Variants in ROS1 observed in about 807,000 individuals in gnomAD.
ROS1 encodes ROS proto-oncogene 1, receptor tyrosine kinase, also known as proto-oncogene tyrosine-protein kinase ROS.
A neutral mutation model predicts 273.5 loss-of-function variants in ROS1; 263 were observed. The observed-to-expected ratio is 0.96, with a 90% CI of 0.87 to 1.06. The LOEUF (loss-of-function observed/expected upper bound fraction) is 1.06, where lower values mean the gene tolerates loss of function less well. ROS1 is among the 50% of genes least tolerant of loss of function. ROS1 has a pLI of 0.00. For missense variants in ROS1, 2,833 were observed against 2,751.1 expected (o/e 1.03, Z -0.67); for synonymous variants, 1,008 against 954.1 (o/e 1.06, Z -1.04).
At chr6:117,321,495 A>G (rs1052764858) in intron 35 of ROS1, 101 bp from the exon 36 acceptor site, 2 of 950,240 alleles carry the variant, frequency 2.1e-6, no homozygotes, top group African/African-American at 1.6e-5. Flanking sequence ...ATGCAAGAAC[A>G]CTATCAGTAG....
At chr6:117,395,830 T>C (rs1773443102) in intron 9 of ROS1, among the ~76,000 whole-genome samples, 1 of 151,728 alleles carries the variant, frequency 6.6e-6, no homozygotes, top group South Asian at 2.1e-4. Flanking sequence ...TAATTATATA[T>C]AATCTAAAAT....
At position 117,288,755 on chromosome 6, in the gene ROS1, C is replaced by T. The variant is rs371313465; in HGVS notation, c.6763G>A (p.Val2255Ile). 22 of 1,613,612 alleles carry T rather than the reference C, an allele frequency of 1.4e-5. 1 individual carries two copies. The highest frequency in any genetic ancestry group is 1.8e-5 in the Non-Finnish European group (21 of 1,179,906). ...CGGTTCTTCGTTTCCATTAAAGCAA[C>T]TGGCATAATGTCATCTGAATTCAAA... Reference protein sequence around the residue: ...ICLNSDDIMPVALMETKNREG... With the variant: ...ICLNSDDIMPIALMETKNREG... The change falls in exon 44 of 44, where the codon GTT (valine) becomes ATT (isoleucine). Residue 2255 changes from valine to isoleucine, a missense_variant. By Grantham distance (29) the Val-to-Ile change is conservative. Coordinates refer to ENST00000368507, the MANE Select transcript of ROS1 (RefSeq NM_001378902.1).
At chr6:117,311,350 A>T (rs1367522441) in intron 39 of ROS1, among the ~76,000 whole-genome samples, 1 of 152,134 alleles carries the variant, frequency 6.6e-6, no homozygotes, top group Non-Finnish European at 1.5e-5. Flanking sequence ...AGTAGAGGCA[A>T]TATGGAATCT....
At position 117,316,516 on chromosome 6, in the gene ROS1, G is replaced by A. The variant is rs75649554; in HGVS notation, c.6117+627C>T. On this transcript the variant is annotated intron_variant, in intron 39 of 43. Transcript: ENST00000368507. The stretch of plus-strand genomic sequence containing the variant: ...CAGGTAGTCACCCCCAGTCCTGTCC[G>A]CCATTCCACAGTATTTCCAGGGTTC... 7.4e-3 allele frequency among the ~76,000 whole-genome samples: 1,126 copies of A among 152,066 alleles called. 12 individuals are homozygous for A. The highest frequency in any genetic ancestry group is 0.026 in the African/African-American group (1,065 of 41,472).
intron 7 of ROS1, among the ~76,000 whole-genome samples, chr6:117,402,275 G>A (rs1420136842): frequency 6.6e-6 from 1 of 152,198 alleles, no homozygotes; most frequent in Non-Finnish European, 1.5e-5. Context: ...TCAGGCCACA[G>A]ATGTTCTTGC....
At position 117,397,029 on chromosome 6, in the gene ROS1, C is replaced by G; in HGVS notation, c.692G>C (p.Gly231Ala). Residue 231 changes from glycine (G) to alanine (A), a missense_variant, in exon 8 of 44, where the codon GGT becomes GCT. Transcript: ENST00000368507. ...TAAGTTATAACCCAAAATAGGTCCA[C>G]CTGGGAATTGAGGTGGATCCCAGCT... ...EVSWDPPQFP[G>A]GPILGYNLRL... is the part of the protein sequence containing the mutation. 1.2e-6 allele frequency: 2 copies of G among 1,613,642 alleles called. No individual in the cohort carries two copies. The highest frequency in any genetic ancestry group is 1.7e-6 in the Non-Finnish European group (2 of 1,179,610).
intron 25 of ROS1, 30 bp downstream of exon 25, chr6:117,357,774 C>A (rs1304781631): frequency 7.1e-7 from 1 of 1,398,674 alleles, no homozygotes. Context: ...TATTTCATCA[C>A]AATATAAAAA....
At chr6:117,397,935 C>G (rs1773628466) in intron 7 of ROS1, among the ~76,000 whole-genome samples, 1 of 152,146 alleles carries the variant, frequency 6.6e-6, no homozygotes, top group African/African-American at 2.4e-5. Context: ...GAGTAGATTT[C>G]TCTCCCTCTG....
chr6:117,415,505 A>G (rs1309550274), intron 3 of ROS1, among the ~76,000 whole-genome samples: 1 of 152,198 alleles, frequency 6.6e-6, no homozygotes, highest in African/African-American at 2.4e-5. Context: ...TTAAAAGGCA[A>G]AATTCTTAAT....
intron 43 of ROS1, among the ~76,000 whole-genome samples, chr6:117,289,378 T>G (rs1773663064): frequency 6.6e-6 from 1 of 152,248 alleles, no homozygotes; most frequent in African/African-American, 2.4e-5. Context: ...CATTCAGCCC[T>G]GACACACATC....
chr6:117,314,205 C>T (rs1278981076), intron 39 of ROS1, among the ~76,000 whole-genome samples: 1 of 152,084 alleles, frequency 6.6e-6, no homozygotes, highest in Non-Finnish European at 1.5e-5. Context: ...TCTCCCCAAA[C>T]CTTACTAACA....
intron 42 of ROS1, among the ~76,000 whole-genome samples, chr6:117,305,115 C>A (rs1775006911): frequency 6.6e-6 from 1 of 152,006 alleles, no homozygotes; most frequent in African/African-American, 2.4e-5. Flanking sequence ...TATAAGTTAC[C>A]AGTTCCTGAT....
chr6:117,304,231 C>A (rs1774939743), intron 42 of ROS1, among the ~76,000 whole-genome samples: 1 of 152,042 alleles, frequency 6.6e-6, no homozygotes, highest in South Asian at 2.1e-4. Flanking sequence ...GGGGATGATA[C>A]AAAGATGTCA....
At position 117,353,063 on chromosome 6, in the gene ROS1, G is replaced by C. The variant is rs1486559080; in HGVS notation, c.4230C>G (p.Ala1410=). The C allele has an allele frequency of 6.2e-7, 1 of 1,614,002 alleles. No individual in the cohort carries two copies. The highest frequency in any genetic ancestry group is 1.3e-5 in the African/African-American group (1 of 74,918). ...QIYQAKKGNG[A]IVSQVKALRS... ...TTAGGGCCTTCACCTGGGAAACGAT[G>C]GCCCCATTTCCTTTCTTTGCCTGAT... The change falls in exon 27 of 44, where the codon GCC becomes GCG. Residue 1410 remains alanine (A), a synonymous_variant. Transcript: ENST00000368507.
chr6:117,324,465 T>C (rs750568023), intron 34 of ROS1, 50 bp from the exon 35 acceptor site: 1 of 876,056 alleles, frequency 1.1e-6, no homozygotes, highest in Non-Finnish European at 1.8e-6. Context: ...AAAAGCTAAG[T>C]TGCCCCAGCT....
At chr6:117,340,155 G>T (rs1777815453) in intron 31 of ROS1, among the ~76,000 whole-genome samples, 1 of 152,022 alleles carries the variant, frequency 6.6e-6, no homozygotes, top group African/African-American at 2.4e-5. Context: ...TTTATAAGGT[G>T]GCAATTTTTT....
At chr6:117,306,293 A>C (rs1248408493) in intron 42 of ROS1, among the ~76,000 whole-genome samples, 2 of 152,054 alleles carry the variant, frequency 1.3e-5, no homozygotes, top group African/African-American at 4.8e-5. Context: ...ATATTTTTTT[A>C]AGATGTAAAA....
At chr6:117,293,755 G>T (rs960729244) in intron 43 of ROS1, among the ~76,000 whole-genome samples, 8 of 152,068 alleles carry the variant, frequency 5.3e-5, no homozygotes, top group East Asian at 1.9e-4. Context: ...TTTTAAGAAG[G>T]TCATGATTGT....
At chr6:117,383,726 A>G (rs571778928) in intron 16 of ROS1, among the ~76,000 whole-genome samples, 3 of 152,350 alleles carry the variant, frequency 2.0e-5, no homozygotes, top group East Asian at 3.9e-4. Flanking sequence ...ATCTGTTTTC[A>G]TGCCTCCAAA....
Sources: allele counts gnomAD v4.1 joint callset (sites outside exome capture counted in the v4.1 genomes callset), GRCh38; gene constraint gnomAD v4.1.1; transcripts MANE v1.5; gene names NCBI Gene and HGNC (gene_info 2026-07-23, HGNC 2026-07-21).